Variants in IL1RAP observed in about 807,000 individuals in gnomAD.
IL1RAP encodes interleukin 1 receptor accessory protein.
A neutral mutation model predicts 60.7 loss-of-function variants in IL1RAP; 35 were observed. That is an observed-to-expected ratio of 0.58 (90% CI 0.44 to 0.76). The LOEUF (loss-of-function observed/expected upper bound fraction) is 0.76. Ranked by LOEUF, IL1RAP falls within the 30% of genes least tolerant of loss-of-function variation. The pLI, the probability that IL1RAP is intolerant of heterozygous loss-of-function variation, is 0.00. For missense variants in IL1RAP, 572 were observed against 693.9 expected, an observed-to-expected ratio of 0.82 and a Z score of 1.97; for synonymous variants, 268 against 250.9, an observed-to-expected ratio of 1.07 and a Z score of -0.64.
intron 3 of IL1RAP, among the ~76,000 whole-genome samples, chr3:190,593,214 T>A (rs1488571101): frequency 6.6e-6 from 1 of 152,110 alleles, no homozygotes; most frequent in Non-Finnish European, 1.5e-5. Context: ...GTAAGGTATG[T>A]CTAATTATCT....
At chr3:190,533,313 C>CTA (rs951513650) in intron 1 of IL1RAP, among the ~76,000 whole-genome samples, 4 of 152,102 alleles carry the variant, frequency 2.6e-5, no homozygotes. Flanking sequence ...GCCTAGACAT[C>CTA]TAGTTGGCAA....
chr3:190,564,351 C>A lies in IL1RAP; in HGVS notation c.62C>A (p.Ser21Ter). 1 of 1,605,504 alleles carries A rather than the reference C, an allele frequency of 6.2e-7. No homozygotes were observed. Among genetic ancestry groups the A allele is most frequent in the Non-Finnish European group, 8.5e-7 (1 of 1,172,360 alleles). ...TATGGAATCCTGCAAAGTGATGCCT[C>A]AGGTAAGTGAATGGCTTTTGACAAT... ...YFYGILQSDA[S>*]ERCDDWGLDT... Residue 21 changes from serine (S) to a stop codon, truncating the protein, a stop_gained and splice_region_variant, in exon 3 of 12, where the codon TCA becomes TAA. Coordinates refer to ENST00000447382, the MANE Select transcript of IL1RAP (RefSeq NM_002182.4). LOFTEE classifies it high-confidence loss of function.
At chr3:190,618,941 C>A (rs1445891668) in intron 5 of IL1RAP, among the ~76,000 whole-genome samples, 1 of 152,190 alleles carries the variant, frequency 6.6e-6, no homozygotes, top group East Asian at 1.9e-4. Flanking sequence ...CTCAATGTAA[C>A]TGTCATATTT....
At chr3:190,637,599 G>T (rs1210921851) in intron 9 of IL1RAP, among the ~76,000 whole-genome samples, 1 of 151,806 alleles carries the variant, frequency 6.6e-6, no homozygotes, top group African/African-American at 2.4e-5. Context: ...TTTATTTGTA[G>T]GTTTCTTTTC....
chr3:190,584,836 C>T (rs1415595418), intron 3 of IL1RAP, among the ~76,000 whole-genome samples: 1 of 152,194 alleles, frequency 6.6e-6, no homozygotes, highest in Non-Finnish European at 1.5e-5. Context: ...AGGCCCATCA[C>T]TGGATCTCCT....
At chr3:190,600,630 C>T (rs1354233369) in intron 3 of IL1RAP, among the ~76,000 whole-genome samples, 2 of 152,166 alleles carry the variant, frequency 1.3e-5, no homozygotes, top group Non-Finnish European at 2.9e-5. Flanking sequence ...GTAAAATATA[C>T]CCCATCCAAA....
chr3:190,527,867 ACAC>A (rs1226825138), intron 1 of IL1RAP, among the ~76,000 whole-genome samples: 33 of 144,546 alleles, frequency 2.3e-4, no homozygotes, highest in African/African-American at 8.2e-4. Context: ...ACACACACAC[ACAC>A]GAGAATGGTG....
chr3:190,542,695 G>A (rs529832294), intron 1 of IL1RAP, among the ~76,000 whole-genome samples: 2 of 151,990 alleles, frequency 1.3e-5, no homozygotes, highest in East Asian at 1.9e-4. Context: ...CCCAAATTAT[G>A]CTTCCAGTTT....
At chr3:190,535,528 C>G (rs996640057) in intron 1 of IL1RAP, among the ~76,000 whole-genome samples, 7 of 152,120 alleles carry the variant, frequency 4.6e-5, no homozygotes, top group African/African-American at 1.4e-4. Flanking sequence ...CTCCTCCAAA[C>G]AACAGCAATT....
In IL1RAP at chr3:190,593,655, C is replaced by T. The variant is rs1278377242; in HGVS notation, c.65-10473C>T. On this transcript the variant is annotated intron_variant, in intron 3 of 11. Transcript: ENST00000447382. ...TGCAGGGGTACTCTCCTTTATAAAA[C>T]CGTCAGATCTCGTGAGACGTATTCA... is the stretch of plus-strand genomic sequence containing the variant. 5.9e-5 allele frequency among the ~76,000 whole-genome samples: 9 copies of T among 152,064 alleles called. No homozygotes were observed. The South Asian group carries it at 1.0e-3, about 18-fold the overall frequency.
At chr3:190,521,782 G>C (rs138423141) in intron 1 of IL1RAP, among the ~76,000 whole-genome samples, 1 of 151,990 alleles carries the variant, frequency 6.6e-6, no homozygotes, top group East Asian at 1.9e-4. Context: ...TTGGGGATGG[G>C]AAGAAAAAGT....
At chr3:190,642,668 G>T (rs1733740956) in intron 9 of IL1RAP, among the ~76,000 whole-genome samples, 1 of 152,040 alleles carries the variant, frequency 6.6e-6, no homozygotes, top group Non-Finnish European at 1.5e-5. Flanking sequence ...CATTACCATG[G>T]TTTATTTCTC....
At chr3:190,644,564 GATT>G (rs898118871) in intron 10 of IL1RAP, among the ~76,000 whole-genome samples, 167 bp downstream of exon 10, 10 of 152,126 alleles carry the variant, frequency 6.6e-5, no homozygotes, top group African/African-American at 2.4e-4. Flanking sequence ...TCTTTCCGAA[GATT>G]ATTATTCTAT....
intron 9 of IL1RAP, among the ~76,000 whole-genome samples, chr3:190,637,283 C>T (rs529419540): frequency 1.3e-5 from 2 of 152,236 alleles, no homozygotes; most frequent in East Asian, 1.9e-4. Context: ...GTTTCTGGTA[C>T]ATCTGCTGGT....
intron 3 of IL1RAP, among the ~76,000 whole-genome samples, chr3:190,578,854 C>T (rs551658325): frequency 1.3e-5 from 2 of 152,234 alleles, no homozygotes; most frequent in South Asian, 4.1e-4. Flanking sequence ...TTTATAAAAC[C>T]ATCAGATCTC....
At chr3:190,558,731 T>C (rs1725642230) in intron 2 of IL1RAP, among the ~76,000 whole-genome samples, 2 of 152,336 alleles carry the variant, frequency 1.3e-5, no homozygotes, top group African/African-American at 4.8e-5. Context: ...TCAGTTTCTC[T>C]ATAGCTAGAA....
chr3:190,580,909 C>T (rs6444433), intron 3 of IL1RAP, among the ~76,000 whole-genome samples: 1 of 152,076 alleles, frequency 6.6e-6, no homozygotes, highest in East Asian at 1.9e-4. Context: ...TGGTTTCTTG[C>T]CCGTGTATAT....
At chr3:190,531,467 C>G (rs1722979569) in intron 1 of IL1RAP, among the ~76,000 whole-genome samples, 1 of 152,140 alleles carries the variant, frequency 6.6e-6, no homozygotes, top group Non-Finnish European at 1.5e-5. Flanking sequence ...TTTACAAAAG[C>G]ATACCTGAGT....
intron 9 of IL1RAP, among the ~76,000 whole-genome samples, chr3:190,639,443 T>A (rs1250498196): frequency 6.6e-6 from 1 of 152,194 alleles, no homozygotes; most frequent in Non-Finnish European, 1.5e-5. Flanking sequence ...ATCTTTTAGC[T>A]TTTGAATTTC....
Sources: allele counts gnomAD v4.1 joint callset (sites outside exome capture counted in the v4.1 genomes callset), GRCh38; gene constraint gnomAD v4.1.1; transcripts MANE v1.5; gene names NCBI Gene and HGNC (gene_info 2026-07-23, HGNC 2026-07-21).